Variants in PDE3B observed in about 807,000 individuals in gnomAD.
The protein encoded by PDE3B is phosphodiesterase 3B.
A neutral mutation model predicts 116.8 loss-of-function variants in PDE3B; 66 were observed. That is an observed-to-expected ratio of 0.56 (90% confidence interval 0.46 to 0.69). The LOEUF (loss-of-function observed/expected upper bound fraction) is 0.69. Ranked by LOEUF, PDE3B falls within the 30% of genes least tolerant of loss-of-function variation. The pLI is 0.00. For synonymous variants in PDE3B, 595 were observed against 533.6 expected (o/e 1.12, Z -1.59); for missense variants, 1,384 against 1,368.1 (o/e 1.01, Z -0.18).
intron 11 of PDE3B, among the ~76,000 whole-genome samples, chr11:14,842,998 A>G (rs1275013328): frequency 6.6e-6 from 1 of 152,224 alleles, no homozygotes; most frequent in East Asian, 1.9e-4. Flanking sequence ...AACCAAGGAA[A>G]CTTTGTACCT....
At chr11:14,677,441 C>T (rs977094342) in intron 1 of PDE3B, among the ~76,000 whole-genome samples, 1 of 152,124 alleles carries the variant, frequency 6.6e-6, no homozygotes, top group African/African-American at 2.4e-5. Flanking sequence ...TGATATCTTT[C>T]TATGTTTTAG....
chr11:14,845,486 G>A (rs1476810202), intron 12 of PDE3B, among the ~76,000 whole-genome samples: 6 of 152,206 alleles, frequency 3.9e-5, no homozygotes, highest in African/African-American at 1.2e-4. Flanking sequence ...AAAGCTGGAC[G>A]GAGAATGACT....
At chr11:14,795,962 G>A (rs1228270100) in intron 4 of PDE3B, among the ~76,000 whole-genome samples, 1 of 152,044 alleles carries the variant, frequency 6.6e-6, no homozygotes, top group African/African-American at 2.4e-5. Flanking sequence ...TGCCATGGTG[G>A]TTCACTGCAC....
intron 1 of PDE3B, among the ~76,000 whole-genome samples, chr11:14,693,531 AG>A (rs1855111531): frequency 6.6e-6 from 1 of 152,200 alleles, no homozygotes; most frequent in Non-Finnish European, 1.5e-5. Flanking sequence ...AGGGCCCTTA[AG>A]AATTATGGTA....
chr11:14,670,109 T>C (rs2177197), intron 1 of PDE3B, among the ~76,000 whole-genome samples: 21,481 of 152,084 alleles, frequency 0.14, 2,217 homozygotes, highest in African/African-American at 0.3. Context: ...TTAGTGCAAA[T>C]AGTACAAAGA....
chr11:14,793,533 T>A (rs1565139635), intron 4 of PDE3B, among the ~76,000 whole-genome samples: 1 of 152,196 alleles, frequency 6.6e-6, no homozygotes, highest in Non-Finnish European at 1.5e-5. Context: ...ATGCTCAACC[T>A]ATACTTAGAG....
chr11:14,826,662 C>T (rs1189574464), intron 7 of PDE3B, among the ~76,000 whole-genome samples: 1 of 151,822 alleles, frequency 6.6e-6, no homozygotes, highest in Admixed American at 6.6e-5. Flanking sequence ...AAAAATAAAG[C>T]CCAGGACCAG....
At chr11:14,733,728 A>G (rs982041781) in intron 1 of PDE3B, among the ~76,000 whole-genome samples, 3 of 152,180 alleles carry the variant, frequency 2.0e-5, no homozygotes, top group African/African-American at 7.2e-5. Context: ...AAGCAGAGAG[A>G]AAATGAAAAA....
chr11:14,797,425 T>C (rs1407500795), intron 4 of PDE3B, among the ~76,000 whole-genome samples: 1 of 152,158 alleles, frequency 6.6e-6, no homozygotes, highest in Non-Finnish European at 1.5e-5. Flanking sequence ...TCTTTTTTGG[T>C]TCCATATGAA....
intron 3 of PDE3B, among the ~76,000 whole-genome samples, chr11:14,786,895 C>G (rs1858220042): frequency 6.6e-6 from 1 of 151,888 alleles, no homozygotes; most frequent in South Asian, 2.1e-4. Context: ...GTGATTAGCA[C>G]TTATAACAAC....
At chr11:14,723,837 G>T (rs748099304) in intron 1 of PDE3B, among the ~76,000 whole-genome samples, 7 of 152,046 alleles carry the variant, frequency 4.6e-5, no homozygotes, top group Non-Finnish European at 8.8e-5. Flanking sequence ...ACTGAAAGAA[G>T]GGCAACAAGG....
chr11:14,702,363 C>A (rs911965247), intron 1 of PDE3B, among the ~76,000 whole-genome samples: 7 of 151,702 alleles, frequency 4.6e-5, no homozygotes, highest in Non-Finnish European at 7.4e-5. Flanking sequence ...TTGGTCTTTG[C>A]TTTTCTGTTG....
chr11:14,709,144 G>A (rs1855622124), intron 1 of PDE3B, among the ~76,000 whole-genome samples: 2 of 151,934 alleles, frequency 1.3e-5, no homozygotes. Context: ...TTGGATGTTA[G>A]AACTGTGAAA....
chr11:14,644,162 C>T lies in PDE3B; in HGVS notation c.87C>T (p.Asn29=). 6.3e-7 allele frequency: 1 copy of T among 1,594,646 alleles called. No homozygotes were observed. Among genetic ancestry groups the T allele is most frequent in the Admixed American group, 1.7e-5 (1 of 59,526 alleles). The change falls in exon 1 of 16, where the codon AAC becomes AAT. Residue 29 remains asparagine, a synonymous_variant. Transcript: ENST00000282096. ...GCTCGCCCCCCGAGAGTCTGAGGAACGGCTACGTGAAGAGCTGCGTGAGCC... is the reference window on the plus strand; with the variant it reads ...GCTCGCCCCCCGAGAGTCTGAGGAATGGCTACGTGAAGAGCTGCGTGAGCC... ...GAGSPPESLR[N]GYVKSCVSPL...
At chr11:14,838,755 A>G (rs1406418148) in intron 11 of PDE3B, among the ~76,000 whole-genome samples, 1 of 152,198 alleles carries the variant, frequency 6.6e-6, no homozygotes, top group Non-Finnish European at 1.5e-5. Context: ...ATATGTCTGA[A>G]TAGACTTAAG....
intron 1 of PDE3B, among the ~76,000 whole-genome samples, chr11:14,734,563 C>T (rs1431144611): frequency 6.6e-6 from 1 of 152,144 alleles, no homozygotes; most frequent in South Asian, 2.1e-4. Flanking sequence ...GCATGTATTG[C>T]ATGATTACAT....
the PDE3B span, chr11:14,892,140 G>C: frequency 6.2e-7 from 1 of 1,611,410 alleles, no homozygotes; most frequent in Non-Finnish European, 8.5e-7. Context: ...CTAGCGCGAA[G>C]AGCAGCAGGA....
intron 1 of PDE3B, among the ~76,000 whole-genome samples, chr11:14,755,524 G>T (rs1465498040): frequency 6.6e-6 from 1 of 152,136 alleles, no homozygotes; most frequent in Admixed American, 6.5e-5. Flanking sequence ...GGCAGTGCTT[G>T]TCTGCGTGAA....
At chr11:14,841,874 A>G (rs1847477609) in intron 11 of PDE3B, among the ~76,000 whole-genome samples, 2 of 150,928 alleles carry the variant, frequency 1.3e-5, no homozygotes, top group Admixed American at 1.3e-4. Context: ...TTTTGAAATC[A>G]GGTAGTCTGA....
Sources: gnomAD v4.1 joint callset for allele counts (sites outside exome capture counted in the v4.1 genomes callset) on GRCh38, gnomAD v4.1.1 for gene constraint, MANE v1.5 for transcripts, NCBI Gene and HGNC (gene_info 2026-07-23, HGNC 2026-07-21) for gene names.